MTSS1: variants seen among roughly 807,000 people sequenced by gnomAD.
The protein encoded by MTSS1 is MTSS I-BAR domain containing 1.
Under a neutral mutation model 79.0 loss-of-function variants are expected in MTSS1, and 18 were observed. The observed-to-expected ratio is 0.23, with a 90% CI of 0.16 to 0.34. The LOEUF is 0.34. Among genes scored for constraint, MTSS1 ranks in the 10% least tolerant of loss-of-function variants. The probability of loss-of-function intolerance (pLI) is 1.00; values close to 1 mark genes in which losing one functional copy is unlikely to be tolerated. For synonymous variants in MTSS1, 341 were observed against 368.6 expected (o/e 0.93, Z 0.86); for missense variants, 815 against 986.2 (o/e 0.83, Z 2.33).
chr8:124,639,671 C>T (rs6984556), intron 3 of MTSS1, among the ~76,000 whole-genome samples: 3,074 of 152,080 alleles, frequency 0.02, 115 homozygotes, highest in African/African-American at 0.069. Context: ...TCCATGTTGC[C>T]CAGGCTGGTT....
chr8:124,626,423 G>A (rs964982686), intron 3 of MTSS1, among the ~76,000 whole-genome samples: 1 of 152,128 alleles, frequency 6.6e-6, no homozygotes, highest in South Asian at 2.1e-4. Context: ...GATAGCTTGA[G>A]CCCAGGAGTT....
intron 1 of MTSS1, among the ~76,000 whole-genome samples, chr8:124,719,037 T>C (rs896823085): frequency 6.6e-6 from 1 of 152,162 alleles, no homozygotes; most frequent in Non-Finnish European, 1.5e-5. Context: ...ATCAAGGACA[T>C]GAATGAAATA....
chr8:124,685,959 C>T (rs965074524), intron 3 of MTSS1, among the ~76,000 whole-genome samples: 2 of 152,154 alleles, frequency 1.3e-5, no homozygotes, highest in Non-Finnish European at 2.9e-5. Context: ...AGCCAGCAGT[C>T]GGAAGGTGGC....
chr8:124,706,338 T>G (rs925915613), intron 1 of MTSS1, among the ~76,000 whole-genome samples: 1 of 152,234 alleles, frequency 6.6e-6, no homozygotes, highest in Non-Finnish European at 1.5e-5. Flanking sequence ...GAGTTTTCTT[T>G]ATAAGGGTCA....
intron 3 of MTSS1, among the ~76,000 whole-genome samples, chr8:124,684,139 C>T (rs1224377570): frequency 6.6e-6 from 1 of 152,130 alleles, no homozygotes; most frequent in Non-Finnish European, 1.5e-5. Context: ...CTGTAAGCTA[C>T]TTTGCATTCC....
intron 3 of MTSS1, among the ~76,000 whole-genome samples, chr8:124,632,446 C>T (rs1020185257): frequency 5.4e-5 from 8 of 149,072 alleles, no homozygotes; most frequent in Non-Finnish European, 8.9e-5. Flanking sequence ...GCCAGGAGTT[C>T]GAGACAAGCC....
intron 13 of MTSS1, among the ~76,000 whole-genome samples, chr8:124,555,476 G>A (rs1258740810): frequency 6.6e-6 from 1 of 152,136 alleles, no homozygotes; most frequent in Non-Finnish European, 1.5e-5. Context: ...TCGATCTCCT[G>A]ACCTCGTGAT....
rs184160886 is a variant in MTSS1 at position 124,582,664 on chromosome 8, G to A, written c.460+2423C>T. Among the ~76,000 whole-genome samples the A allele has an allele frequency of 3.1e-3, 471 of 152,250 alleles. 3 individuals are homozygous for A. The highest frequency in any genetic ancestry group is 5.0e-3 in the Non-Finnish European group (337 of 68,016). On this transcript the variant is annotated intron_variant, in intron 6 of 13. Transcript: ENST00000518547. The surrounding 1 kb of genome is among the most constrained non-coding windows in gnomAD (Gnocchi z 4.8). ...CCAAAACCTTCATCCATCCGAACGC[G>A]TGGTGCGTCAGAAGGAACTGCTAAC...
At chr8:124,579,095 C>T (rs766250705) in intron 6 of MTSS1, among the ~76,000 whole-genome samples, 1 of 152,142 alleles carries the variant, frequency 6.6e-6, no homozygotes, top group African/African-American at 2.4e-5. Flanking sequence ...ATCTTTAGAA[C>T]TTACAAAGTC....
intron 3 of MTSS1, among the ~76,000 whole-genome samples, chr8:124,668,539 T>C (rs1023630751): frequency 6.6e-6 from 1 of 152,190 alleles, no homozygotes; most frequent in Non-Finnish European, 1.5e-5. Flanking sequence ...GTAGCCCCTT[T>C]GTGTCAGGAT....
chr8:124,707,093 T>C (rs1830484042), intron 1 of MTSS1, among the ~76,000 whole-genome samples: 1 of 152,100 alleles, frequency 6.6e-6, no homozygotes, highest in African/African-American at 2.4e-5. Flanking sequence ...AATCTGAGCA[T>C]TCAGAAACAC....
intron 6 of MTSS1, chr8:124,580,316 G>A (rs1449800284): frequency 4.0e-6 from 2 of 500,872 alleles, no homozygotes; most frequent in East Asian, 3.2e-5. Context: ...TGATTCAAAG[G>A]CTCTCAGAGT....
At chr8:124,680,084 T>C (rs1004711556) in intron 3 of MTSS1, among the ~76,000 whole-genome samples, 3 of 152,206 alleles carry the variant, frequency 2.0e-5, no homozygotes, top group African/African-American at 7.2e-5. Context: ...ATTAAACCCT[T>C]GGAAACACAC....
At chr8:124,569,460 G>T (rs1211980694) in intron 6 of MTSS1, among the ~76,000 whole-genome samples, 1 of 152,204 alleles carries the variant, frequency 6.6e-6, no homozygotes, top group Non-Finnish European at 1.5e-5. Flanking sequence ...GAAGCCTGCT[G>T]CCCTAAAAGA....
intron 5 of MTSS1, among the ~76,000 whole-genome samples, chr8:124,585,753 C>T (rs1365023864): frequency 2.0e-5 from 3 of 152,058 alleles, no homozygotes; most frequent in African/African-American, 4.8e-5. Context: ...TTTCTCAGCT[C>T]AAGTATCCGG....
intron 1 of MTSS1, among the ~76,000 whole-genome samples, chr8:124,721,502 C>A (rs183889994): frequency 6.6e-6 from 1 of 151,058 alleles, no homozygotes; most frequent in Admixed American, 6.6e-5. Flanking sequence ...CTCTGCCTCC[C>A]GGGTTCAAGC....
intron 3 of MTSS1, among the ~76,000 whole-genome samples, chr8:124,610,069 G>C (rs1177290337): frequency 6.6e-6 from 1 of 152,148 alleles, no homozygotes; most frequent in Non-Finnish European, 1.5e-5. Flanking sequence ...ATATGTAACT[G>C]CTAATCTAAT....
chr8:124,627,361 T>C (rs938345596), intron 3 of MTSS1, among the ~76,000 whole-genome samples: 8 of 152,226 alleles, frequency 5.3e-5, no homozygotes, highest in Middle Eastern at 3.2e-3. Flanking sequence ...ATGCATTAGG[T>C]ACTCAACATT....
At chr8:124,620,652 T>C (rs181276250) in intron 3 of MTSS1, among the ~76,000 whole-genome samples, 1 of 152,234 alleles carries the variant, frequency 6.6e-6, no homozygotes, top group Non-Finnish European at 1.5e-5. Context: ...GCTAATTAAG[T>C]ACACCGATTT....
Sources: gnomAD v4.1 joint callset for allele counts (sites outside exome capture counted in the v4.1 genomes callset) on GRCh38, gnomAD v4.1.1 for gene constraint, Gnocchi (gnomAD v3.1) non-coding constraint, MANE v1.5 for transcripts, NCBI Gene and HGNC (gene_info 2026-07-23, HGNC 2026-07-21) for gene names.